The following CACNA2D3 variants were observed in gnomAD, a reference collection of about 807,000 sequenced individuals.
The protein encoded by CACNA2D3 is voltage-dependent calcium channel subunit alpha-2/delta-3.
Under a neutral mutation model 160.6 loss-of-function variants are expected in CACNA2D3, and 60 were observed. The ratio of observed to expected loss-of-function variants is 0.37; its 90% CI spans 0.30 to 0.46. The LOEUF is 0.46. Ranked by LOEUF, CACNA2D3 falls within the 20% of genes least tolerant of loss-of-function variation. The pLI is 1.00. For synonymous variants in CACNA2D3, 558 were observed against 492.9 expected (o/e 1.13, Z -1.75); for missense variants, 1,205 against 1,365.0 (o/e 0.88, Z 1.85).
chr3:54,467,831 G>C (rs755198309), intron 4 of CACNA2D3, among the ~76,000 whole-genome samples: 17 of 152,140 alleles, frequency 1.1e-4, no homozygotes, highest in Non-Finnish European at 2.2e-4. Context: ...TTAGAATTAA[G>C]AATGACATAT....
At chr3:54,541,100 A>G (rs918393465) in intron 5 of CACNA2D3, among the ~76,000 whole-genome samples, 13 of 152,000 alleles carry the variant, frequency 8.6e-5, no homozygotes, top group African/African-American at 3.1e-4. Flanking sequence ...ACATGGTGAA[A>G]CCCCATCTCT....
intron 2 of CACNA2D3, among the ~76,000 whole-genome samples, chr3:54,239,246 A>T (rs879628966): frequency 1.3e-5 from 2 of 152,186 alleles, no homozygotes; most frequent in Admixed American, 1.3e-4. Flanking sequence ...TGAATTTTTG[A>T]GTTGCTTTGC....
chr3:54,289,175 A>C (rs989788174), intron 2 of CACNA2D3, among the ~76,000 whole-genome samples: 2 of 152,168 alleles, frequency 1.3e-5, no homozygotes, highest in Non-Finnish European at 2.9e-5. Context: ...CTCAGCCCAA[A>C]ATCTCCTTCA....
intron 29 of CACNA2D3, among the ~76,000 whole-genome samples, chr3:54,977,901 G>T (rs867920412): frequency 4.6e-5 from 7 of 152,138 alleles, no homozygotes; most frequent in Admixed American, 1.3e-4. Flanking sequence ...CTCGAGGGCT[G>T]CTGGTTACCC....
chr3:54,435,130 G>C (rs1237106432), intron 4 of CACNA2D3, among the ~76,000 whole-genome samples: 2 of 152,120 alleles, frequency 1.3e-5, no homozygotes, highest in African/African-American at 4.8e-5. Flanking sequence ...GTGTGAGTGG[G>C]ACTCAGTGGG....
intron 27 of CACNA2D3, among the ~76,000 whole-genome samples, chr3:54,957,396 A>T (rs1196740075): frequency 3.9e-5 from 6 of 152,098 alleles, no homozygotes; most frequent in Non-Finnish European, 8.8e-5. Context: ...CAGTCATCCC[A>T]TCTCAGCCTC....
At chr3:54,765,803 A>G (rs1702213706) in intron 13 of CACNA2D3, among the ~76,000 whole-genome samples, 2 of 152,354 alleles carry the variant, frequency 1.3e-5, no homozygotes, top group South Asian at 4.1e-4. Context: ...TAGAAGGTCC[A>G]AAAAATCAAC....
intron 14 of CACNA2D3, among the ~76,000 whole-genome samples, chr3:54,835,765 T>G (rs745437046): frequency 6.6e-6 from 1 of 152,202 alleles, no homozygotes; most frequent in Non-Finnish European, 1.5e-5. Context: ...ACTTGCCTGG[T>G]CAATTTTGGT....
At chr3:54,834,494 T>C (rs1698625352) in intron 14 of CACNA2D3, among the ~76,000 whole-genome samples, 1 of 152,254 alleles carries the variant, frequency 6.6e-6, no homozygotes, top group Non-Finnish European at 1.5e-5. Context: ...AAGCAAGATG[T>C]TAGAACCATG....
Position 54,880,788 on chromosome 3 carries a change from C to G in CACNA2D3, c.1845-8C>G. The G allele has an allele frequency of 6.2e-7, 1 of 1,612,694 alleles. No individual in the cohort carries two copies. Among genetic ancestry groups the G allele is most frequent in the South Asian group, 1.1e-5 (1 of 91,036 alleles). On this transcript the variant is annotated splice_region_variant and splice_polypyrimidine_tract_variant and intron_variant, in intron 20 of 37. Coordinates refer to ENST00000474759, the MANE Select transcript of CACNA2D3 (RefSeq NM_018398.3). ...GGATTTCAAGATTTGCTTTGTCTCTCTGCACAGTTTAGGTGTGGCGCTTTC... is the reference window on the plus strand; with the variant it reads ...GGATTTCAAGATTTGCTTTGTCTCTGTGCACAGTTTAGGTGTGGCGCTTTC...
chr3:54,457,795 T>A (rs1228769178), intron 4 of CACNA2D3, among the ~76,000 whole-genome samples: 1 of 152,124 alleles, frequency 6.6e-6, no homozygotes, highest in Non-Finnish European at 1.5e-5. Context: ...ACAATTTTTA[T>A]ATCCTCTCAC....
intron 27 of CACNA2D3, among the ~76,000 whole-genome samples, chr3:54,930,496 A>G (rs1701159071): frequency 6.6e-6 from 1 of 152,218 alleles, no homozygotes; most frequent in South Asian, 2.1e-4. Context: ...CCCAGCTGGG[A>G]TCCAGATATC....
At chr3:55,056,670 G>A (rs1225510880) in intron 35 of CACNA2D3, among the ~76,000 whole-genome samples, 1 of 152,126 alleles carries the variant, frequency 6.6e-6, no homozygotes, top group Non-Finnish European at 1.5e-5. Flanking sequence ...GGATGGAATT[G>A]GAGATCATTA....
At chr3:54,963,041 G>T (rs1702068480) in intron 27 of CACNA2D3, among the ~76,000 whole-genome samples, 1 of 152,224 alleles carries the variant, frequency 6.6e-6, no homozygotes, top group South Asian at 2.1e-4. Flanking sequence ...ATGCATGCAT[G>T]ATTTCATCTT....
intron 11 of CACNA2D3, among the ~76,000 whole-genome samples, chr3:54,738,971 C>G (rs1701586013): frequency 6.6e-6 from 1 of 152,090 alleles, no homozygotes; most frequent in Non-Finnish European, 1.5e-5. Context: ...ATGGCAAGAC[C>G]TCATCACCAC....
intron 27 of CACNA2D3, among the ~76,000 whole-genome samples, chr3:54,912,670 C>T (rs1193772739): frequency 6.6e-6 from 1 of 152,104 alleles, no homozygotes; most frequent in Admixed American, 6.6e-5. Context: ...CTTCCTCTTC[C>T]ATATCCCCAG....
intron 2 of CACNA2D3, among the ~76,000 whole-genome samples, chr3:54,165,453 A>G (rs1456752823): frequency 1.3e-5 from 2 of 152,056 alleles, no homozygotes; most frequent in African/African-American, 4.8e-5. Flanking sequence ...TGCTCCTTTG[A>G]TATTGGGACA....
intron 2 of CACNA2D3, among the ~76,000 whole-genome samples, chr3:54,303,349 C>G (rs1334896541): frequency 6.6e-6 from 1 of 152,058 alleles, no homozygotes. Context: ...TTGTTGAAAG[C>G]GAAAATTTTC....
At position 54,248,235 on chromosome 3, in the gene CACNA2D3, C is replaced by A. The variant is rs150327232; in HGVS notation, c.205-72207C>A. 6.8e-3 allele frequency among the ~76,000 whole-genome samples: 1,028 copies of A among 152,156 alleles called. 14 individuals are homozygous for A. Among genetic ancestry groups the A allele is most frequent in the African/African-American group, 0.023 (971 of 41,514 alleles). On this transcript the variant is annotated intron_variant, in intron 2 of 37. Transcript: ENST00000474759. ...ACCACTCATGCCTGTAATCCCAGCA[C>A]TTTGGGAGGCCGAGGCAGTTGGATC...
Sources: allele counts gnomAD v4.1 joint callset (sites outside exome capture counted in the v4.1 genomes callset), GRCh38; gene constraint gnomAD v4.1.1; transcripts MANE v1.5; gene names NCBI Gene and HGNC (gene_info 2026-07-23, HGNC 2026-07-21).